The following CD96 variants were observed in gnomAD, a reference collection of about 807,000 sequenced individuals.
CD96 encodes the protein T-cell surface protein tactile.
Under a neutral mutation model 71.3 loss-of-function variants are expected in CD96, and 70 were observed. The observed-to-expected ratio is 0.98, with a 90% CI of 0.81 to 1.20. The LOEUF (loss-of-function observed/expected upper bound fraction) is 1.20, where lower values mean the gene tolerates loss of function less well. Among genes scored for constraint, CD96 ranks in the 50% most tolerant of loss-of-function variants. The probability of loss-of-function intolerance (pLI) is 0.00; values close to 1 mark genes in which losing one functional copy is unlikely to be tolerated. For synonymous variants in CD96, 248 were observed against 233.0 expected, an observed-to-expected ratio of 1.06 and a Z score of -0.59; for missense variants, 742 against 677.5, an observed-to-expected ratio of 1.10 and a Z score of -1.06.
intron 14 of CD96, among the ~76,000 whole-genome samples, chr3:111,661,051 G>A (rs1940341806): frequency 6.6e-6 from 1 of 152,208 alleles, no homozygotes; most frequent in Non-Finnish European, 1.5e-5. Context: ...CAGGCTGTAT[G>A]GAGGAATGGC....
At chr3:111,597,286 G>A (rs957126794) in intron 5 of CD96, among the ~76,000 whole-genome samples, 17 of 152,092 alleles carry the variant, frequency 1.1e-4, no homozygotes, top group African/African-American at 4.1e-4. Context: ...ATTCTCACTG[G>A]ATATTTTCAC....
At chr3:111,632,983 C>T (rs1939148679) in intron 10 of CD96, among the ~76,000 whole-genome samples, 1 of 152,192 alleles carries the variant, frequency 6.6e-6, no homozygotes, top group Non-Finnish European at 1.5e-5. Context: ...TCTTTGCATT[C>T]ACAACTTGGC....
At chr3:111,614,093 C>T (rs1034454271) in intron 8 of CD96, among the ~76,000 whole-genome samples, 3 of 152,186 alleles carry the variant, frequency 2.0e-5, no homozygotes, top group Non-Finnish European at 4.4e-5. Context: ...CAAGAACAGA[C>T]CTGTGTCAAT....
intron 4 of CD96, among the ~76,000 whole-genome samples, chr3:111,582,107 C>T (rs536972241): frequency 6.6e-6 from 1 of 152,326 alleles, no homozygotes; most frequent in South Asian, 2.1e-4. Flanking sequence ...CTCTGGGACT[C>T]CCAGTTTTTA....
intron 10 of CD96, among the ~76,000 whole-genome samples, chr3:111,630,105 G>C (rs1938983368): frequency 6.6e-6 from 1 of 152,082 alleles, no homozygotes; most frequent in Non-Finnish European, 1.5e-5. Context: ...AAAAGAACTA[G>C]AGAACCAGGA....
Position 111,567,583 on chromosome 3 carries a change from A to G in CD96, c.479A>G (p.Glu160Gly). 4 of 1,609,086 alleles carry G rather than the reference A, an allele frequency of 2.5e-6. No homozygotes were observed. Among genetic ancestry groups the G allele is most frequent in the Non-Finnish European group, 3.4e-6 (4 of 1,175,480 alleles). The change falls in exon 3 of 14, where the codon GAA becomes GGA. Residue 160 changes from glutamate to glycine, a missense_variant. Coordinates refer to ENST00000352690, the MANE Select transcript of CD96 (RefSeq NM_005816.5). ...GAAATAGAGATAAATCAGACTCTGG[A>G]AATACCATGCTTTCAAAATAGCTCC... ...TIEIEINQTL[E>G]IPCFQNSSSK...
intron 8 of CD96, among the ~76,000 whole-genome samples, chr3:111,612,446 TA>T (rs755996296): frequency 2.0e-4 from 31 of 152,236 alleles, no homozygotes; most frequent in Admixed American, 7.2e-4. Context: ...TGTATAATAA[TA>T]CTAAGCAATA....
At chr3:111,605,309 T>C (rs754635338) in intron 7 of CD96, among the ~76,000 whole-genome samples, 1 of 152,146 alleles carries the variant, frequency 6.6e-6, no homozygotes, top group Non-Finnish European at 1.5e-5. Flanking sequence ...TCAGGAAAGT[T>C]TGGGGTCAGG....
intron 7 of CD96, among the ~76,000 whole-genome samples, chr3:111,601,938 G>T (rs1937510311): frequency 6.6e-6 from 1 of 152,184 alleles, no homozygotes; most frequent in South Asian, 2.1e-4. Context: ...CGGGGCACTG[G>T]CATCGCTCCC....
At chr3:111,589,745 G>C (rs1417378633) in intron 5 of CD96, among the ~76,000 whole-genome samples, 1 of 152,162 alleles carries the variant, frequency 6.6e-6, no homozygotes, top group African/African-American at 2.4e-5. Flanking sequence ...CACTAATAAG[G>C]GGCAGAGCTG....
At chr3:111,641,506 T>C (rs1939588698) in intron 12 of CD96, among the ~76,000 whole-genome samples, 1 of 152,134 alleles carries the variant, frequency 6.6e-6, no homozygotes, top group African/African-American at 2.4e-5. Flanking sequence ...AAACAATTAC[T>C]AATAGACCTA....
downstream of CD96, among the ~76,000 whole-genome samples, chr3:111,655,453 G>A (rs79064216): frequency 0.011 from 1,625 of 152,116 alleles, 34 homozygotes; most frequent in African/African-American, 0.036. Flanking sequence ...TAAGTTATGC[G>A]CAAAGAAGAG....
At chr3:111,629,355 G>A (rs1484675063) in intron 10 of CD96, among the ~76,000 whole-genome samples, 1 of 151,978 alleles carries the variant, frequency 6.6e-6, no homozygotes, top group Non-Finnish European at 1.5e-5. Flanking sequence ...AAAAGCAGAG[G>A]TTGCAGTCTT....
chr3:111,625,584 A>G (rs1288314975), intron 10 of CD96, among the ~76,000 whole-genome samples: 1 of 152,190 alleles, frequency 6.6e-6, no homozygotes, highest in Non-Finnish European at 1.5e-5. Context: ...AAAAAAAATT[A>G]AAATGTACCC....
At chr3:111,637,369 A>T (rs1270610185) in intron 11 of CD96, 108 bp downstream of exon 11, 12 of 742,936 alleles carry the variant, frequency 1.6e-5, no homozygotes, top group African/African-American at 3.4e-5. Flanking sequence ...ATAGATATAT[A>T]AAAGTACATC....
intron 5 of CD96, chr3:111,593,988 G>A (rs776334608): frequency 2.5e-6 from 4 of 1,614,176 alleles, no homozygotes; most frequent in South Asian, 2.2e-5. Context: ...TACTGGTTGG[G>A]ATGGTGCCCA....
chr3:111,571,562 AAG>A (rs1467414989), intron 3 of CD96, among the ~76,000 whole-genome samples: 1 of 152,078 alleles, frequency 6.6e-6, no homozygotes, highest in East Asian at 1.9e-4. Context: ...GAGTGCATCT[AAG>A]GTCACACAGT....
intron 4 of CD96, among the ~76,000 whole-genome samples, chr3:111,583,655 T>C (rs1330034802): frequency 6.6e-6 from 1 of 152,240 alleles, no homozygotes; most frequent in Non-Finnish European, 1.5e-5. Context: ...CTCAACACCA[T>C]GTGGAAGCTG....
At chr3:111,605,750 C>T (rs549178714) in intron 7 of CD96, among the ~76,000 whole-genome samples, 19 of 152,280 alleles carry the variant, frequency 1.2e-4, no homozygotes, top group East Asian at 5.8e-4. Context: ...ATTCCTCCCA[C>T]GGGGCTATGT....
Sources: gnomAD v4.1 joint callset for allele counts (sites outside exome capture counted in the v4.1 genomes callset) on GRCh38, gnomAD v4.1.1 for gene constraint, MANE v1.5 for transcripts, NCBI Gene and HGNC (gene_info 2026-07-23, HGNC 2026-07-21) for gene names.